Variants in FAM222B observed in about 807,000 individuals in gnomAD.
FAM222B encodes protein FAM222B.
Under a neutral mutation model 38.0 loss-of-function variants are expected in FAM222B, and 12 were observed. That is an observed-to-expected ratio of 0.32 (90% confidence interval 0.20 to 0.51). The LOEUF (loss-of-function observed/expected upper bound fraction) is 0.51. FAM222B is among the 20% of genes least tolerant of loss of function. The pLI is 0.97. For synonymous variants in FAM222B, 329 were observed against 317.2 expected (o/e 1.04, Z -0.40); for missense variants, 716 against 754.2 (o/e 0.95, Z 0.59).
At chr17:28,822,458 T>C (rs2038260577) in intron 1 of FAM222B, among the ~76,000 whole-genome samples, 2 of 150,932 alleles carry the variant, frequency 1.3e-5, no homozygotes, top group Admixed American at 6.6e-5. Flanking sequence ...ACCCCGTCTC[T>C]ACTAAAAATA....
upstream of FAM222B, among the ~76,000 whole-genome samples, chr17:28,845,086 A>C (rs2039135812): frequency 6.6e-6 from 1 of 150,542 alleles, no homozygotes. Context: ...TGGATAACAG[A>C]GTGAGACTCC....
intron 1 of FAM222B, among the ~76,000 whole-genome samples, chr17:28,777,490 T>C (rs2035946997): frequency 6.6e-6 from 1 of 152,170 alleles, no homozygotes; most frequent in Admixed American, 6.6e-5. Flanking sequence ...AGGGAAGTAT[T>C]CTCCCTGCAT....
In FAM222B at chr17:28,761,743, A is replaced by C. The variant is rs574096266; in HGVS notation, c.83-1867T>G. ...TGGGCAAAAAGAGCCAGGCATCCCC[A>C]CCTCCCAAAACAGGTCTGTGCTTTC... On this transcript the variant is annotated intron_variant, in intron 2 of 2. Transcript: ENST00000581407. 5.1e-4 allele frequency among the ~76,000 whole-genome samples: 78 copies of C among 152,136 alleles called. 1 individual carries two copies. Among genetic ancestry groups the C allele is most frequent in the African/African-American group, 1.8e-3 (76 of 41,486 alleles).
intron 1 of FAM222B, among the ~76,000 whole-genome samples, chr17:28,783,265 A>G (rs1223558315): frequency 2.6e-5 from 4 of 152,128 alleles, no homozygotes. Flanking sequence ...CAGGAAAAAG[A>G]TGTGGTAGCA....
chr17:28,838,634 C>T (rs1487963748), intron 1 of FAM222B, among the ~76,000 whole-genome samples: 1 of 151,776 alleles, frequency 6.6e-6, no homozygotes, highest in Non-Finnish European at 1.5e-5. Flanking sequence ...TGGCTGGGCG[C>T]GGTGGCTCAC....
At chr17:28,779,659 G>A (rs1385098404) in intron 1 of FAM222B, among the ~76,000 whole-genome samples, 1 of 152,002 alleles carries the variant, frequency 6.6e-6, no homozygotes, top group Non-Finnish European at 1.5e-5. Context: ...GCTGAGGCAG[G>A]AGAATGGCGT....
chr17:28,838,964 G>A (rs2038943991), intron 1 of FAM222B, among the ~76,000 whole-genome samples: 1 of 152,058 alleles, frequency 6.6e-6, no homozygotes, highest in Non-Finnish European at 1.5e-5. Flanking sequence ...CAGCACTTTG[G>A]GAGGCTGAGT....
At chr17:28,850,179 A>G (rs1318347164) in intron 1 of FAM222B, among the ~76,000 whole-genome samples, 2 of 151,736 alleles carry the variant, frequency 1.3e-5, no homozygotes, top group Non-Finnish European at 2.9e-5. Context: ...CCTTTGCCTC[A>G]CTCTTGATAG....
chr17:28,781,792 T>C (rs1480610540), intron 1 of FAM222B, among the ~76,000 whole-genome samples: 1 of 152,098 alleles, frequency 6.6e-6, no homozygotes, highest in Admixed American at 6.6e-5. Context: ...GAAAGACAAA[T>C]ACTGCATAAT....
At chr17:28,794,163 C>T (rs1003285079) in intron 1 of FAM222B, among the ~76,000 whole-genome samples, 2 of 151,726 alleles carry the variant, frequency 1.3e-5, no homozygotes, top group African/African-American at 4.8e-5. Flanking sequence ...AAAATGAAAA[C>T]AGCAGCAAGT....
intron 1 of FAM222B, among the ~76,000 whole-genome samples, chr17:28,788,332 A>G (rs2036512747): frequency 6.6e-6 from 1 of 152,100 alleles, no homozygotes; most frequent in South Asian, 2.1e-4. Flanking sequence ...TTGAACTTCT[A>G]GGCTTAACGG....
At chr17:28,783,113 G>A (rs1447614162) in intron 1 of FAM222B, among the ~76,000 whole-genome samples, 22 of 151,072 alleles carry the variant, frequency 1.5e-4, no homozygotes, top group Admixed American at 6.6e-4. Context: ...ACTCCAGCGT[G>A]GGTGACAGAG....
At chr17:28,778,719 A>ATTTTTTTTTTTT (rs59098589) in intron 1 of FAM222B, among the ~76,000 whole-genome samples, 1 of 25,494 alleles carries the variant, frequency 3.9e-5, no homozygotes. Flanking sequence ...ATATATATAT[A>ATTTTTTTTTTTT]TTTTTTTTTT....
At chr17:28,767,350 G>GT (rs1380162233) in intron 1 of FAM222B, among the ~76,000 whole-genome samples, 5 of 152,134 alleles carry the variant, frequency 3.3e-5, no homozygotes, top group African/African-American at 2.4e-5. Flanking sequence ...TAGAGACGGG[G>GT]TTTCACCATG....
chr17:28,802,379 T>C (rs1468881529), intron 1 of FAM222B: 1 of 151,666 alleles, frequency 6.6e-6, no homozygotes, highest in African/African-American at 2.4e-5. Flanking sequence ...ATTATAGACA[T>C]GAGCCACTGC....
At chr17:28,814,574 G>T (rs2037940749) in intron 1 of FAM222B, among the ~76,000 whole-genome samples, 1 of 151,954 alleles carries the variant, frequency 6.6e-6, no homozygotes, top group African/African-American at 2.4e-5. Context: ...GGTTCAAGCA[G>T]TTCTGCCTCA....
In FAM222B at chr17:28,792,780, CAAAAAAAAAAAA is replaced by C. The variant is rs71135854; in HGVS notation, c.-40-26085_-40-26074del. On this transcript the variant is annotated intron_variant, in intron 1 of 2. Transcript: ENST00000581407. Reference sequence around the variant, plus strand: ...TGGGTGACAGAGCGAGGCCCTATTTCAAAAAAAAAAAAAAAAAAGAAAGAAGAAACAAACAGA... The same window carrying C: ...TGGGTGACAGAGCGAGGCCCTATTTCAAAAAAGAAAGAAGAAACAAACAGA... Among the ~76,000 whole-genome samples, 858 of 122,856 alleles carry C rather than the reference CAAAAAAAAAAAA, an allele frequency of 7.0e-3. 8 individuals carry two copies. The highest frequency in any genetic ancestry group is 0.027 in the African/African-American group (817 of 29,840). 80.6% of individuals were successfully genotyped at this position (122,856 alleles called of 152,430 possible).
chr17:28,808,732 A>G (rs900999594), intron 1 of FAM222B, among the ~76,000 whole-genome samples: 11 of 152,222 alleles, frequency 7.2e-5, no homozygotes, highest in African/African-American at 2.7e-4. Flanking sequence ...AAAAGCTGAA[A>G]AGCTAAAAAC....
intron 1 of FAM222B, among the ~76,000 whole-genome samples, chr17:28,783,940 A>G (rs991438768): frequency 6.6e-6 from 1 of 151,494 alleles, no homozygotes; most frequent in Non-Finnish European, 1.5e-5. Flanking sequence ...CTGGGGTTAC[A>G]GGCTCCTGCC....
Sources: allele counts gnomAD v4.1 joint callset (sites outside exome capture counted in the v4.1 genomes callset), GRCh38; gene constraint gnomAD v4.1.1; transcripts MANE v1.5; gene names NCBI Gene and HGNC (gene_info 2026-07-23, HGNC 2026-07-21).